Variants in CNTNAP2 observed in about 807,000 individuals in gnomAD.
CNTNAP2 encodes the protein contactin-associated protein-like 2.
In CNTNAP2, 98 loss-of-function variants were observed where a neutral mutation model predicts 155.2. The observed-to-expected ratio is 0.63, with a 90% confidence interval of 0.54 to 0.75. The LOEUF is 0.75. Among genes scored for constraint, CNTNAP2 ranks in the 30% least tolerant of loss-of-function variants. The probability of loss-of-function intolerance (pLI) is 0.00; values close to 1 mark genes in which losing one functional copy is unlikely to be tolerated. For synonymous variants in CNTNAP2, 651 were observed against 631.2 expected (o/e 1.03, Z -0.47); for missense variants, 1,727 against 1,688.1 (o/e 1.02, Z -0.40).
intron 4 of CNTNAP2, among the ~76,000 whole-genome samples, chr7:147,089,265 G>A (rs1356617407): frequency 6.6e-6 from 1 of 152,096 alleles, no homozygotes; most frequent in Non-Finnish European, 1.5e-5. Context: ...AGTGATCGGA[G>A]TCCTGGCCCT....
At chr7:147,452,676 G>C (rs944345436) in intron 10 of CNTNAP2, among the ~76,000 whole-genome samples, 1 of 152,150 alleles carries the variant, frequency 6.6e-6, no homozygotes, top group Non-Finnish European at 1.5e-5. Context: ...TTTATGCAAA[G>C]AATTCACCTT....
intron 13 of CNTNAP2, among the ~76,000 whole-genome samples, chr7:147,891,994 A>G (rs1286420989): frequency 1.3e-5 from 2 of 152,236 alleles, no homozygotes; most frequent in South Asian, 2.1e-4. Context: ...TAAAAGTACT[A>G]TTATTAGAAA....
In CNTNAP2 at chr7:147,802,328, A is replaced by G. The variant is rs1378163025; in HGVS notation, c.2099-101237A>G. ...GGCAGAGGGGCTCCTCACATCCCAG[A>G]CGATGGGCGGCCAGGCAGAGACACT... On this transcript the variant is annotated intron_variant, in intron 13 of 23. Transcript: ENST00000361727. 1.1e-4 allele frequency among the ~76,000 whole-genome samples: 17 copies of G among 148,958 alleles called. No individual in the cohort carries two copies. In the South Asian group the frequency reaches 2.1e-3, roughly 19 times the overall value.
intron 14 of CNTNAP2, among the ~76,000 whole-genome samples, chr7:147,961,683 T>G (rs374380261): frequency 6.6e-6 from 1 of 152,192 alleles, no homozygotes; most frequent in East Asian, 1.9e-4. Context: ...TCCCAGTAGA[T>G]TATTCTCATT....
intron 15 of CNTNAP2, among the ~76,000 whole-genome samples, chr7:148,028,672 A>C (rs1176984680): frequency 6.6e-6 from 1 of 152,176 alleles, no homozygotes; most frequent in Non-Finnish European, 1.5e-5. Context: ...TGAGTATTAT[A>C]ATGAACACTG....
chr7:147,947,770 A>G (rs531955387), intron 14 of CNTNAP2, among the ~76,000 whole-genome samples: 1 of 152,280 alleles, frequency 6.6e-6, no homozygotes, highest in African/African-American at 2.4e-5. Flanking sequence ...AATTTCCTTT[A>G]ATTCAAAGCA....
rs1799970163 is a variant in CNTNAP2, at chr7:148,415,688, T to C, written c.*72T>C. 3 of 1,546,932 alleles carry C rather than the reference T, an allele frequency of 1.9e-6. No homozygotes were observed. Among genetic ancestry groups the C allele is most frequent in the South Asian group, 1.1e-5 (1 of 88,674 alleles). On this transcript the variant is annotated 3_prime_UTR_variant, in exon 24 of 24. Transcript: ENST00000361727. The stretch of plus-strand genomic sequence containing the variant: ...AGGAGAGAAAGGGACAAAAGCACCC[T>C]GCTTCATACTCTTGAGCACATCCTT...
chr7:147,884,939 C>T (rs762410720), intron 13 of CNTNAP2, among the ~76,000 whole-genome samples: 8 of 152,182 alleles, frequency 5.3e-5, no homozygotes, highest in Non-Finnish European at 1.0e-4. Context: ...CACTAAATAG[C>T]AGGCTTGATA....
intron 3 of CNTNAP2, among the ~76,000 whole-genome samples, chr7:147,028,166 C>T (rs774110560): frequency 6.6e-6 from 1 of 152,080 alleles, no homozygotes; most frequent in Non-Finnish European, 1.5e-5. Flanking sequence ...ACAAGAATAC[C>T]AACTGCACCA....
chr7:146,689,680 G>C (rs1210270462), intron 1 of CNTNAP2, among the ~76,000 whole-genome samples: 2 of 152,074 alleles, frequency 1.3e-5, no homozygotes, highest in Non-Finnish European at 2.9e-5. Flanking sequence ...ATTGAACAGA[G>C]GTGCCATTAT....
At chr7:148,083,636 T>C (rs1407350743) in intron 15 of CNTNAP2, among the ~76,000 whole-genome samples, 1 of 152,168 alleles carries the variant, frequency 6.6e-6, no homozygotes, top group African/African-American at 2.4e-5. Flanking sequence ...TGAAATAAAA[T>C]ACTGGCATTT....
intron 13 of CNTNAP2, among the ~76,000 whole-genome samples, chr7:147,850,759 A>G (rs1798921509): frequency 6.6e-6 from 1 of 152,214 alleles, no homozygotes; most frequent in African/African-American, 2.4e-5. Flanking sequence ...TACACCTTAT[A>G]CAAAAATTAA....
chr7:147,788,821 C>T (rs1025175668), intron 13 of CNTNAP2, among the ~76,000 whole-genome samples: 3 of 151,852 alleles, frequency 2.0e-5, no homozygotes, highest in African/African-American at 7.3e-5. Context: ...TCCCAGGAAC[C>T]TCTTTCCGTT....
intron 12 of CNTNAP2, among the ~76,000 whole-genome samples, chr7:147,591,597 TC>T (rs1800735187): frequency 6.6e-6 from 1 of 152,182 alleles, no homozygotes; most frequent in Non-Finnish European, 1.5e-5. Flanking sequence ...ACCATTTCCT[TC>T]CCTTTTTTAT....
chr7:148,079,691 T>C (rs1803559854), intron 15 of CNTNAP2, among the ~76,000 whole-genome samples: 1 of 152,192 alleles, frequency 6.6e-6, no homozygotes. Context: ...AATACTTGGA[T>C]TTCTTTCAGG....
intron 3 of CNTNAP2, among the ~76,000 whole-genome samples, chr7:146,956,975 A>C (rs1019671639): frequency 6.6e-6 from 1 of 152,170 alleles, no homozygotes; most frequent in African/African-American, 2.4e-5. Context: ...CCTTTTGAGA[A>C]CTGCGTCCTT....
chr7:146,611,788 A>G (rs535751846), intron 1 of CNTNAP2, among the ~76,000 whole-genome samples: 1 of 152,300 alleles, frequency 6.6e-6, no homozygotes, highest in African/African-American at 2.4e-5. Flanking sequence ...TGCTTTTCAC[A>G]TGTATTGTGC....
intron 9 of CNTNAP2, among the ~76,000 whole-genome samples, chr7:147,332,621 T>TG (rs1795592810): frequency 6.6e-6 from 1 of 152,140 alleles, no homozygotes; most frequent in African/African-American, 2.4e-5. Flanking sequence ...CCCAGCACTT[T>TG]GGGAGACCAA....
At chr7:146,976,197 GCA>G in intron 3 of CNTNAP2, among the ~76,000 whole-genome samples, 1 of 152,072 alleles carries the variant, frequency 6.6e-6, no homozygotes, top group East Asian at 1.9e-4. Flanking sequence ...TGCTTCTCTC[GCA>G]CTACAACAGT....
Sources: gnomAD v4.1 joint callset for allele counts (sites outside exome capture counted in the v4.1 genomes callset) on GRCh38, gnomAD v4.1.1 for gene constraint, MANE v1.5 for transcripts, NCBI Gene and HGNC (gene_info 2026-07-23, HGNC 2026-07-21) for gene names.